Variants in SPRR2B observed in about 807,000 individuals in gnomAD.
The protein encoded by SPRR2B is small proline rich protein 2B, also known as small proline-rich protein 2B.
SPRR2B carries 1 observed loss-of-function variant against 1.0 expected under a neutral mutation model. The ratio of observed to expected loss-of-function variants is 1.01; its 90% CI spans 0.36 to 4.77. The LOEUF (loss-of-function observed/expected upper bound fraction) is 4.77, where lower values mean the gene tolerates loss of function less well. Among genes scored for constraint, SPRR2B ranks in the 30% most tolerant of loss-of-function variants. The pLI is 0.16. For synonymous variants in SPRR2B, 27 were observed against 33.4 expected, an observed-to-expected ratio of 0.81 and a Z score of 0.66; for missense variants, 53 against 88.7, an observed-to-expected ratio of 0.60 and a Z score of 1.62.
At chr1:153,079,680 T>A in the SPRR2B span, among the ~76,000 whole-genome samples, 3 of 152,170 alleles carry the variant, frequency 2.0e-5, no homozygotes, top group Non-Finnish European at 2.9e-5. Context: ...GTTGTAGATA[T>A]GCAGCATTAT....
the SPRR2B span, among the ~76,000 whole-genome samples, chr1:153,080,382 G>A: frequency 1.3e-5 from 2 of 152,106 alleles, no homozygotes; most frequent in Non-Finnish European, 2.9e-5. Context: ...GCTTTCTCAA[G>A]AGAACATGGA....
At chr1:153,079,120 T>C in the SPRR2B span, among the ~76,000 whole-genome samples, 1 of 152,236 alleles carries the variant, frequency 6.6e-6, no homozygotes, top group African/African-American at 2.4e-5. Flanking sequence ...CCAGTGATGG[T>C]GAGCATTTTT....
chr1:153,086,417 CA>C, the SPRR2B span, among the ~76,000 whole-genome samples: 1 of 151,742 alleles, frequency 6.6e-6, no homozygotes, highest in Non-Finnish European at 1.5e-5. Context: ...AGCAAACGTC[CA>C]AAAAAAGACC....
At chr1:153,079,665 A>C in the SPRR2B span, among the ~76,000 whole-genome samples, 2 of 152,178 alleles carry the variant, frequency 1.3e-5, no homozygotes, top group Non-Finnish European at 2.9e-5. Context: ...GTCAAAGATC[A>C]GATGGTTGTA....
the SPRR2B span, among the ~76,000 whole-genome samples, chr1:153,077,390 C>G: frequency 9.2e-5 from 14 of 152,072 alleles, no homozygotes; most frequent in Non-Finnish European, 1.8e-4. Flanking sequence ...TGGAGAGAAA[C>G]TATGTGAAGA....
chr1:153,084,013 G>A, the SPRR2B span, among the ~76,000 whole-genome samples: 1 of 152,164 alleles, frequency 6.6e-6, no homozygotes, highest in Non-Finnish European at 1.5e-5. Flanking sequence ...TGGTCAGCTG[G>A]TGTCTCCTGG....
the SPRR2B span, among the ~76,000 whole-genome samples, chr1:153,084,242 G>T: frequency 6.6e-6 from 1 of 152,128 alleles, no homozygotes; most frequent in Non-Finnish European, 1.5e-5. Flanking sequence ...GTGAGTGCAT[G>T]AGTGGGTTTT....
At chr1:153,085,297 C>A in the SPRR2B span, among the ~76,000 whole-genome samples, 1 of 152,122 alleles carries the variant, frequency 6.6e-6, no homozygotes, top group Admixed American at 6.5e-5. Context: ...AACACAGGAG[C>A]TGACTGACAA....
the SPRR2B span, among the ~76,000 whole-genome samples, chr1:153,083,334 G>A: frequency 6.6e-6 from 1 of 152,062 alleles, no homozygotes; most frequent in Admixed American, 6.6e-5. Context: ...CATGAGGCCC[G>A]CCAATACCCT....
At chr1:153,079,107 T>A in the SPRR2B span, among the ~76,000 whole-genome samples, 3 of 152,380 alleles carry the variant, frequency 2.0e-5, no homozygotes, top group African/African-American at 4.8e-5. Flanking sequence ...ATTTCTCCGA[T>A]GGCCAGTGAT....
At chr1:153,073,695 T>TCACACACACA (rs4041380), upstream of SPRR2B, among the ~76,000 whole-genome samples, 932 of 144,580 alleles carry the variant, frequency 6.4e-3, 10 homozygotes, top group African/African-American at 0.019. Context: ...GAGGCATACT[T>TCACACACACA]CACACACACA....
upstream of SPRR2B, among the ~76,000 whole-genome samples, chr1:153,074,550 G>C (rs971344712): frequency 6.6e-6 from 1 of 152,142 alleles, no homozygotes; most frequent in Non-Finnish European, 1.5e-5. Flanking sequence ...AATCATTAAG[G>C]TGGATGTTTT....
the SPRR2B span, among the ~76,000 whole-genome samples, chr1:153,084,479 T>C: frequency 6.6e-6 from 1 of 152,050 alleles, no homozygotes; most frequent in South Asian, 2.1e-4. Flanking sequence ...AAACCCCAAA[T>C]TGTTGCACAC....
Position 153,070,562 on chromosome 1 carries a change from T to A in SPRR2B, c.*59A>T. The A allele has an allele frequency of 6.4e-7, 1 of 1,571,678 alleles. No homozygotes were observed. Among genetic ancestry groups the A allele is most frequent in the Non-Finnish European group, 8.6e-7 (1 of 1,159,056 alleles). On this transcript the variant is annotated 3_prime_UTR_variant, in exon 2 of 2. Coordinates refer to ENST00000368755, the MANE Select transcript of SPRR2B (RefSeq NM_001388198.1). ...TGATGAGAAGATGAAGGTGGAGCTG[T>A]GGAACGAGGTGAGCCAATTATCCTT...
At chr1:153,073,263 C>A (rs1372109234), upstream of SPRR2B, among the ~76,000 whole-genome samples, 1 of 152,240 alleles carries the variant, frequency 6.6e-6, no homozygotes, top group African/African-American at 2.4e-5. Context: ...ATGTCAAGTA[C>A]AGTGGGTGCA....
At chr1:153,087,417 G>T in the SPRR2B span, among the ~76,000 whole-genome samples, 1 of 152,090 alleles carries the variant, frequency 6.6e-6, no homozygotes, top group African/African-American at 2.4e-5. Context: ...CATACTGAAG[G>T]ACATTGAGAC....
the SPRR2B span, among the ~76,000 whole-genome samples, chr1:153,078,469 C>A: frequency 6.6e-6 from 1 of 152,110 alleles, no homozygotes; most frequent in African/African-American, 2.4e-5. Flanking sequence ...CCCAGTAACC[C>A]GTCATTTAAC....
At chr1:153,080,645 A>G in the SPRR2B span, among the ~76,000 whole-genome samples, 8 of 152,230 alleles carry the variant, frequency 5.3e-5, no homozygotes, top group Non-Finnish European at 1.0e-4. Flanking sequence ...GAACTGTAAC[A>G]TAGGATGAGA....
chr1:153,073,968 G>A (rs962475311), upstream of SPRR2B, among the ~76,000 whole-genome samples: 6 of 152,060 alleles, frequency 3.9e-5, no homozygotes, highest in South Asian at 2.1e-4. Context: ...TCATTTGTGC[G>A]TGTGTGTGTT....
Sources: gnomAD v4.1 joint callset for allele counts (sites outside exome capture counted in the v4.1 genomes callset) on GRCh38, gnomAD v4.1.1 for gene constraint, MANE v1.5 for transcripts, NCBI Gene and HGNC (gene_info 2026-07-23, HGNC 2026-07-21) for gene names.